TTC7A: variants seen among roughly 807,000 people sequenced by gnomAD.
The protein encoded by TTC7A is tetratricopeptide repeat protein 7A.
Under a neutral mutation model 103.7 loss-of-function variants are expected in TTC7A, and 110 were observed. The observed-to-expected ratio is 1.06, with a 90% CI of 0.91 to 1.24. The LOEUF is 1.24. Ranked by LOEUF, TTC7A falls within the 50% of genes most tolerant of loss-of-function variation. TTC7A has a pLI of 0.00. For synonymous variants in TTC7A, 521 were observed against 467.9 expected (o/e 1.11, Z -1.47); for missense variants, 1,340 against 1,116.3 (o/e 1.20, Z -2.86).
chr2:46,964,469 C>A (rs1308465751), intron 3 of TTC7A, among the ~76,000 whole-genome samples: 3 of 152,134 alleles, frequency 2.0e-5, no homozygotes, highest in Admixed American at 2.0e-4. Flanking sequence ...GTTTCTAGAT[C>A]TTTGGCTGTG....
intron 18 of TTC7A, among the ~76,000 whole-genome samples, chr2:47,052,312 C>A (rs919322074): frequency 4.6e-5 from 7 of 152,276 alleles, no homozygotes; most frequent in Non-Finnish European, 7.4e-5. Flanking sequence ...CTAAGTGATA[C>A]CATTGCCACC....
intron 3 of TTC7A, chr2:46,958,408 C>G (rs1006278074): frequency 9.2e-7 from 1 of 1,083,424 alleles, no homozygotes; most frequent in African/African-American, 1.6e-5. Context: ...AGCGGAACCC[C>G]CTTCCTCGGG....
chr2:47,043,992 C>G (rs141520039), intron 15 of TTC7A, among the ~76,000 whole-genome samples: 3 of 152,092 alleles, frequency 2.0e-5, no homozygotes, highest in East Asian at 3.9e-4. Flanking sequence ...GCAGAGGGCC[C>G]GGGGAATGCA....
chr2:47,048,989 G>C (rs529538697), intron 16 of TTC7A, among the ~76,000 whole-genome samples: 25 of 152,268 alleles, frequency 1.6e-4, no homozygotes, highest in African/African-American at 6.0e-4. Flanking sequence ...GAGCCATTGT[G>C]GTTTTATAGA....
intron 11 of TTC7A, 81 bp downstream of exon 11, chr2:47,011,516 A>G (rs962384229): frequency 9.0e-7 from 1 of 1,111,006 alleles, no homozygotes; most frequent in Admixed American, 2.1e-5. Flanking sequence ...CTTGACGTGT[A>G]TGTGTGGGTG....
chr2:47,037,982 C>A (rs1681296164), intron 15 of TTC7A, among the ~76,000 whole-genome samples: 1 of 152,120 alleles, frequency 6.6e-6, no homozygotes, highest in African/African-American at 2.4e-5. Flanking sequence ...TGGGCGCGGT[C>A]ACTCATGCCT....
At chr2:46,983,675 G>A (rs1400596140) in intron 5 of TTC7A, among the ~76,000 whole-genome samples, 1 of 152,220 alleles carries the variant, frequency 6.6e-6, no homozygotes, top group East Asian at 1.9e-4. Context: ...CACTTTTCTT[G>A]TAAATAAACT....
intron 10 of TTC7A, among the ~76,000 whole-genome samples, chr2:47,010,673 A>T (rs1311440113): frequency 2.6e-5 from 4 of 152,054 alleles, no homozygotes; most frequent in African/African-American, 9.7e-5. Flanking sequence ...GCCATTGGCC[A>T]TGCCTCCAGA....
rs3814036 is a variant in TTC7A, at chr2:47,022,100, A to G, written c.1510+121A>G. On this transcript the variant is annotated intron_variant, in intron 12 of 19. Transcript: ENST00000319190. ...GGCCATGCCTCCATAGACACCATGC[A>G]CTCCTCTGGGAGAGATGCCCATGTG... The G allele has an allele frequency of 0.46, 302,374 of 655,452 alleles. 72,554 individuals carry two copies. Among genetic ancestry groups the G allele is most frequent in the Admixed American group, 0.55 (21,089 of 38,446 alleles). The allele number at this position is 655,452 out of a possible 1,614,324, so 40.6% of individuals were successfully genotyped here. A position where few individuals can be genotyped will look rare whatever the true frequency, so the allele number is the denominator to read the frequency against.
intron 18 of TTC7A, among the ~76,000 whole-genome samples, chr2:47,059,437 G>T (rs1256570620): frequency 6.6e-6 from 1 of 152,064 alleles, no homozygotes; most frequent in Non-Finnish European, 1.5e-5. Context: ...TCTCCATCAG[G>T]GCAGGGGTGG....
chr2:47,061,081 A>T (rs745983357), intron 19 of TTC7A, 110 bp downstream of exon 19: 4 of 1,180,340 alleles, frequency 3.4e-6, no homozygotes, highest in Non-Finnish European at 4.7e-6. Flanking sequence ...GTGCCTTGCT[A>T]CTGCTGTTCC....
chr2:47,064,429 G>A (rs1347697731), intron 19 of TTC7A, among the ~76,000 whole-genome samples: 1 of 152,236 alleles, frequency 6.6e-6, no homozygotes, highest in African/African-American at 2.4e-5. Context: ...GCCAAGAAGG[G>A]GAAGACTGAA....
chr2:47,014,337 G>T (rs975672951), intron 11 of TTC7A, among the ~76,000 whole-genome samples: 3 of 152,146 alleles, frequency 2.0e-5, no homozygotes, highest in Admixed American at 2.0e-4. Context: ...TTTGGTTTGG[G>T]GGTTCTCCCA....
intron 3 of TTC7A, among the ~76,000 whole-genome samples, chr2:46,970,950 C>A (rs1572765614): frequency 6.6e-6 from 1 of 152,232 alleles, no homozygotes; most frequent in South Asian, 2.1e-4. Context: ...TCTGGTCACA[C>A]CCCAGCCTGG....
intron 10 of TTC7A, among the ~76,000 whole-genome samples, chr2:47,008,686 G>A (rs1677690215): frequency 6.6e-6 from 1 of 152,222 alleles, no homozygotes; most frequent in Non-Finnish European, 1.5e-5. Flanking sequence ...GTCCCAGGCA[G>A]CCCTCAAGAG....
Position 46,995,141 on chromosome 2 carries a change from A to G in TTC7A, c.1007A>G (p.Tyr336Cys), listed in dbSNP as rs1250983100. 2 of 1,614,126 alleles carry G rather than the reference A, an allele frequency of 1.2e-6. No individual in the cohort carries two copies. The highest frequency in any genetic ancestry group is 1.3e-5 in the African/African-American group (1 of 75,034). ...CTGTCATTGGTGTCTTTCAGCCTCT[A>G]CTGCCCCAAGGACAACATCGAGGAA... ...KPHLYEGDNL[Y>C]CPKDNIEEAL... The change falls in exon 8 of 20, where the codon TAC becomes TGC. Residue 336 changes from tyrosine (Y) to cysteine (C), a missense_variant. Coordinates refer to ENST00000319190, the MANE Select transcript of TTC7A (RefSeq NM_020458.4).
chr2:46,997,993 A>G (rs1367678473), intron 8 of TTC7A, among the ~76,000 whole-genome samples: 2 of 152,028 alleles, frequency 1.3e-5, no homozygotes, highest in African/African-American at 4.8e-5. Flanking sequence ...GATCTCCTCC[A>G]AGCAGCTCTT....
intron 5 of TTC7A, among the ~76,000 whole-genome samples, chr2:46,985,585 T>C (rs190825987): frequency 1.1e-4 from 17 of 152,350 alleles, no homozygotes; most frequent in Admixed American, 1.1e-3. Flanking sequence ...CAGGAACTAA[T>C]ACAATCCCCA....
At chr2:46,950,302 A>C in intron 1 of TTC7A, 61 bp from the exon 2 acceptor site, 1 of 1,587,298 alleles carries the variant, frequency 6.3e-7, no homozygotes, top group African/African-American at 1.3e-5. Context: ...GGAGTGTGCA[A>C]CTCCCTCCAT....
Sources: gnomAD v4.1 joint callset for allele counts (sites outside exome capture counted in the v4.1 genomes callset) on GRCh38, gnomAD v4.1.1 for gene constraint, MANE v1.5 for transcripts, NCBI Gene and HGNC (gene_info 2026-07-23, HGNC 2026-07-21) for gene names.